Variants in COL28A1 observed in about 807,000 individuals in gnomAD.
COL28A1 encodes collagen type XXVIII alpha 1 chain.
A neutral mutation model predicts 150.2 loss-of-function variants in COL28A1; 161 were observed. That is an observed-to-expected ratio of 1.07 (90% confidence interval 0.94 to 1.22). The LOEUF (loss-of-function observed/expected upper bound fraction) is 1.22. Among genes scored for constraint, COL28A1 ranks in the 50% most tolerant of loss-of-function variants. COL28A1 has a pLI of 0.00. For missense variants in COL28A1, 1,617 were observed against 1,388.3 expected (o/e 1.16, Z -2.62); for synonymous variants, 552 against 469.7 (o/e 1.18, Z -2.26).
chr7:7,523,682 T>G (rs1300413618), intron 4 of COL28A1, among the ~76,000 whole-genome samples: 1 of 152,198 alleles, frequency 6.6e-6, no homozygotes, highest in Non-Finnish European at 1.5e-5. Context: ...CTCAGCAAGC[T>G]GATGATTATC....
chr7:7,493,057 A>AATAT (rs59416586), intron 11 of COL28A1, among the ~76,000 whole-genome samples: 5 of 146,080 alleles, frequency 3.4e-5, no homozygotes, highest in African/African-American at 1.0e-4. Context: ...ATTAATATAT[A>AATAT]ATATATATAT....
chr7:7,403,653 C>T (rs952613859), intron 27 of COL28A1, among the ~76,000 whole-genome samples: 2 of 152,110 alleles, frequency 1.3e-5, no homozygotes, highest in Non-Finnish European at 2.9e-5. Flanking sequence ...TATAATGTCT[C>T]AGCACGTAAT....
chr7:7,420,727 A>C (rs1318221487), intron 25 of COL28A1, among the ~76,000 whole-genome samples: 3 of 152,256 alleles, frequency 2.0e-5, no homozygotes. Flanking sequence ...GCTCAGAATT[A>C]AGTGAGACAA....
chr7:7,362,809 T>C (rs747151410), intron 33 of COL28A1, among the ~76,000 whole-genome samples: 6 of 152,172 alleles, frequency 3.9e-5, no homozygotes, highest in Admixed American at 1.3e-4. Flanking sequence ...TTAAAAATAA[T>C]CATTATACTA....
At chr7:7,390,110 A>G (rs947138215) in intron 27 of COL28A1, among the ~76,000 whole-genome samples, 4 of 152,222 alleles carry the variant, frequency 2.6e-5, no homozygotes, top group African/African-American at 9.6e-5. Context: ...CCCATTCCAC[A>G]TGATACTGGC....
At chr7:7,445,272 C>T (rs1244518574) in intron 18 of COL28A1, among the ~76,000 whole-genome samples, 1 of 152,172 alleles carries the variant, frequency 6.6e-6, no homozygotes, top group African/African-American at 2.4e-5. Flanking sequence ...AAGACAGACA[C>T]ACAGGGAGAG....
chr7:7,539,269 T>C (rs1019220972), upstream of COL28A1, among the ~76,000 whole-genome samples: 1 of 152,184 alleles, frequency 6.6e-6, no homozygotes, highest in African/African-American at 2.4e-5. Flanking sequence ...GTGAGGGCCA[T>C]TGACTGCTTC....
At chr7:7,442,679 A>G (rs1393776858) in intron 20 of COL28A1, among the ~76,000 whole-genome samples, 2 of 152,294 alleles carry the variant, frequency 1.3e-5, no homozygotes, top group Middle Eastern at 3.4e-3. Flanking sequence ...TACAAATTTT[A>G]TTTTTACTTG....
At chr7:7,532,644 T>C in intron 2 of COL28A1, 108 bp downstream of exon 2, 1 of 1,353,220 alleles carries the variant, frequency 7.4e-7, no homozygotes, top group South Asian at 1.5e-5. Flanking sequence ...GACTATCACA[T>C]GTATACATGT....
Position 7,373,125 on chromosome 7 carries a change from CA to C in COL28A1, c.2780del (p.Val927GlyfsTer5). The C allele has an allele frequency of 2.5e-6, 4 of 1,614,182 alleles. No homozygotes were observed. The highest frequency in any genetic ancestry group is 3.4e-6 in the Non-Finnish European group (4 of 1,180,020). ...TCACCACCCCTATCACAAATATCTCCACATTGGTGTCACTGGCATTCTTCAC... is the reference window on the plus strand; with the variant it reads ...TCACCACCCCTATCACAAATATCTCCCATTGGTGTCACTGGCATTCTTCAC... ...EVVKNASDTN[V>X]EIFVIGVVKK... is the part of the protein sequence containing the mutation. On this transcript the variant is annotated frameshift_variant, in exon 32 of 35. Transcript: ENST00000399429. LOFTEE classifies it high-confidence loss of function. The surrounding 1 kb of genome is among the most constrained non-coding windows in gnomAD (Gnocchi z 4.1).
At chr7:7,389,828 T>C (rs1782428106) in intron 27 of COL28A1, among the ~76,000 whole-genome samples, 1 of 152,220 alleles carries the variant, frequency 6.6e-6, no homozygotes, top group Admixed American at 6.5e-5. Context: ...ATGCTTGTGA[T>C]TTTTGCACAT....
At chr7:7,460,901 A>G (rs1162821720) in intron 15 of COL28A1, among the ~76,000 whole-genome samples, 22 of 152,170 alleles carry the variant, frequency 1.4e-4, no homozygotes. Context: ...CATCGTGGAC[A>G]GGAGGCAGGA....
chr7:7,373,625 A>T lies in COL28A1; in HGVS notation c.2360-79T>A. 1 of 1,132,414 alleles carries T rather than the reference A, an allele frequency of 8.8e-7. No individual in the cohort carries two copies. The highest frequency in any genetic ancestry group is 1.3e-6 in the Non-Finnish European group (1 of 781,604). 70.1% of individuals were successfully genotyped at this position (1,132,414 alleles called of 1,614,324 possible). On this transcript the variant is annotated intron_variant, in intron 31 of 34. Transcript: ENST00000399429. The surrounding 1 kb of genome is among the most constrained non-coding windows in gnomAD (Gnocchi z 4.1). ...GTTGAGGGGAGGGGAGAAAAAGTCA[A>T]TGATGAACCTGAGACCTAAACTATT...
intron 20 of COL28A1, among the ~76,000 whole-genome samples, chr7:7,442,023 G>T (rs1252678797): frequency 6.6e-6 from 1 of 152,102 alleles, no homozygotes; most frequent in Non-Finnish European, 1.5e-5. Flanking sequence ...AATCACCCCA[G>T]AAATGAACAG....
In COL28A1 at chr7:7,413,460, T is replaced by C. The variant is rs540465757; in HGVS notation, c.2136+4399A>G. ...TTTCTTCCTGGGCACACAGCATGAGTACCTTTCCAAGCCACTTTGCAATTA... is the reference window on the plus strand; with the variant it reads ...TTTCTTCCTGGGCACACAGCATGAGCACCTTTCCAAGCCACTTTGCAATTA... On this transcript the variant is annotated intron_variant, in intron 27 of 34. Coordinates refer to ENST00000399429, the MANE Select transcript of COL28A1 (RefSeq NM_001037763.3). 3.9e-4 allele frequency among the ~76,000 whole-genome samples: 59 copies of C among 152,278 alleles called. No homozygotes were observed. The South Asian group carries it at 0.012, about 32-fold the overall frequency.
chr7:7,520,214 A>G (rs1936766373), intron 5 of COL28A1, 99 bp from the exon 6 acceptor site: 1 of 626,552 alleles, frequency 1.6e-6, no homozygotes, highest in African/African-American at 1.9e-5. Flanking sequence ...AGAATGAGGG[A>G]GAATTGTAAA....
intron 21 of COL28A1, among the ~76,000 whole-genome samples, chr7:7,440,555 G>A (rs1482020229): frequency 6.6e-6 from 1 of 152,176 alleles, no homozygotes; most frequent in Non-Finnish European, 1.5e-5. Context: ...AGGACTGACA[G>A]ACAAATTAGG....
intron 26 of COL28A1, among the ~76,000 whole-genome samples, chr7:7,418,209 G>C (rs1459871265): frequency 6.6e-6 from 1 of 152,176 alleles, no homozygotes; most frequent in Non-Finnish European, 1.5e-5. Flanking sequence ...CATCTGCTTG[G>C]GCCCCCTTCA....
At chr7:7,427,517 T>G (rs1433582094) in intron 25 of COL28A1, among the ~76,000 whole-genome samples, 1 of 152,152 alleles carries the variant, frequency 6.6e-6, no homozygotes, top group Non-Finnish European at 1.5e-5. Flanking sequence ...CTAATGCATC[T>G]CTGTGTGAAT....
Sources: gnomAD v4.1 joint callset for allele counts (sites outside exome capture counted in the v4.1 genomes callset) on GRCh38, gnomAD v4.1.1 for gene constraint, Gnocchi (gnomAD v3.1) non-coding constraint, MANE v1.5 for transcripts, NCBI Gene and HGNC (gene_info 2026-07-23, HGNC 2026-07-21) for gene names.